UPRT: variants seen among roughly 807,000 people sequenced by gnomAD.
UPRT encodes RP11-311P8.3.
In UPRT, 5 loss-of-function variants were observed where a neutral mutation model predicts 22.6. That is an observed-to-expected ratio of 0.22 (90% CI 0.12 to 0.47). UPRT has a LOEUF of 0.47. Among genes scored for constraint, UPRT ranks in the 20% least tolerant of loss-of-function variants. The probability of loss-of-function intolerance (pLI) is 0.99; values close to 1 mark genes in which losing one functional copy is unlikely to be tolerated. For missense variants in UPRT, 181 were observed against 239.9 expected (o/e 0.75, Z 1.62); for synonymous variants, 77 against 87.7 (o/e 0.88, Z 0.68).
chrX:75,235,815 T>A (rs1460539019), intron 4 of UPRT, among the ~76,000 whole-genome samples: 1 of 111,651 alleles, frequency 9.0e-6, no homozygotes, highest in Admixed American at 9.5e-5. Flanking sequence ...ATAAGAGCTA[T>A]CTATGACAAA....
intron 1 of UPRT, among the ~76,000 whole-genome samples, chrX:75,282,004 T>C (rs746036373): frequency 9.0e-6 from 1 of 111,053 alleles, no homozygotes; most frequent in Admixed American, 9.6e-5. Context: ...AGGGTTGTAT[T>C]TTTTTCAGGA....
At chrX:75,263,626 T>C (rs2082576581) in intron 4 of UPRT, among the ~76,000 whole-genome samples, 1 of 110,366 alleles carries the variant, frequency 9.1e-6, no homozygotes, top group Admixed American at 9.8e-5. Context: ...GTATTAGTCT[T>C]GCTAGCAGTC....
intron 4 of UPRT, among the ~76,000 whole-genome samples, chrX:75,205,073 T>C (rs922715105): frequency 3.6e-5 from 4 of 110,832 alleles, no homozygotes; most frequent in Non-Finnish European, 7.6e-5. Context: ...TGAAACAAGG[T>C]ATAAGAGAAG....
intron 4 of UPRT, among the ~76,000 whole-genome samples, chrX:75,194,391 C>G (rs932924986): frequency 9.0e-6 from 1 of 111,122 alleles, no homozygotes; most frequent in Non-Finnish European, 1.9e-5. Context: ...GTGATGTCAG[C>G]CAGAGTGCTT....
exon 1 of UPRT, chrX:75,156,467 C>A: frequency 2.0e-6 from 1 of 497,951 alleles, no homozygotes; most frequent in Non-Finnish European, 3.4e-6. Flanking sequence ...TGATTGTTTT[C>A]CTTACACAAC....
chrX:75,162,106 C>CTTTTT (rs5902736), intron 2 of UPRT, among the ~76,000 whole-genome samples: 6 of 78,967 alleles, frequency 7.6e-5, no homozygotes, highest in East Asian at 3.9e-4. Context: ...TCTTTCTTTT[C>CTTTTT]TTTTTTTTTT....
chrX:75,261,353 A>G (rs1002924036), intron 4 of UPRT, among the ~76,000 whole-genome samples: 2 of 112,195 alleles, frequency 1.8e-5, no homozygotes, highest in South Asian at 3.7e-4. Context: ...AAGATCCCAA[A>G]GAAATACAAA....
chrX:75,159,119 C>G (rs918366420), intron 1 of UPRT, among the ~76,000 whole-genome samples: 1 of 111,967 alleles, frequency 8.9e-6, no homozygotes, highest in Non-Finnish European at 1.9e-5. Context: ...TGTCCCCTCC[C>G]TTCTGCTCTT....
intron 4 of UPRT, among the ~76,000 whole-genome samples, chrX:75,214,698 C>A (rs2082387971): frequency 1.8e-5 from 2 of 111,546 alleles, no homozygotes; most frequent in Non-Finnish European, 3.8e-5. Context: ...TCACTTGAGT[C>A]CAGCAGTTTG....
At chrX:75,266,047 T>A (rs1250631260) in intron 4 of UPRT, among the ~76,000 whole-genome samples, 1 of 111,352 alleles carries the variant, frequency 9.0e-6, no homozygotes, top group African/African-American at 3.3e-5. Context: ...GCCATCCCCA[T>A]CAAGCTACCA....
intron 4 of UPRT, among the ~76,000 whole-genome samples, chrX:75,248,639 G>A (rs1306986494): frequency 8.9e-6 from 1 of 111,824 alleles, no homozygotes; most frequent in African/African-American, 3.3e-5. Flanking sequence ...CACTCTGCAG[G>A]ATATTCTCCA....
intron 4 of UPRT, among the ~76,000 whole-genome samples, chrX:75,187,048 C>A (rs10126246): frequency 0.026 from 2,878 of 110,706 alleles, 107 homozygotes; most frequent in African/African-American, 0.091. Context: ...GTTATGTGTG[C>A]ATTGGATCCT....
chrX:75,256,524 C>G lies in UPRT; in HGVS notation c.-446-34500C>G, dbSNP rs1452133388. Among the ~76,000 whole-genome samples the G allele has an allele frequency of 1.5e-4, 16 of 106,188 alleles. No homozygotes were observed. In the Admixed American group the frequency reaches 1.7e-3, roughly 11 times the overall value. The allele number at this position is 106,188 out of a possible 115,157, so 92.2% of individuals were successfully genotyped here. A position where few individuals can be genotyped will look rare whatever the true frequency, so the allele number is the denominator to read the frequency against. On this transcript the variant is annotated intron_variant, in intron 4 of 13. Coordinates refer to the UPRT transcript ENST00000652605. ...GGAAATAACCAAGATCAGAGCAGAT[C>G]TAAATGAAATTGAAACAACAACAAC...
At chrX:75,234,327 A>T (rs768416714) in intron 4 of UPRT, among the ~76,000 whole-genome samples, 2 of 111,181 alleles carry the variant, frequency 1.8e-5, no homozygotes, top group East Asian at 5.7e-4. Context: ...ACTCCCACAC[A>T]TTAATAATGG....
chrX:75,219,665 G>T (rs2082404071), intron 4 of UPRT, among the ~76,000 whole-genome samples: 1 of 111,166 alleles, frequency 9.0e-6, no homozygotes, highest in Non-Finnish European at 1.9e-5. Context: ...TTCAGTGAGA[G>T]GATCTAAGAA....
At position 75,176,082 on chromosome X, in the gene UPRT, G is replaced by A. The variant is rs927396752; in HGVS notation, c.-447+8203G>A. ...TATTTTCTTAAGGCCTCTCGTAGCC[G>A]CTCGAGGAAGGCAGAAGGATTTTAT... On this transcript the variant is annotated intron_variant, in intron 4 of 13. Coordinates refer to the UPRT transcript ENST00000652605. Among the ~76,000 whole-genome samples, 9 of 111,267 alleles carry A rather than the reference G, an allele frequency of 8.1e-5. No individual in the cohort carries two copies. In the East Asian group the frequency reaches 1.1e-3, roughly 14 times the overall value.
chrX:75,267,896 G>T (rs986842974), intron 4 of UPRT, among the ~76,000 whole-genome samples: 1 of 110,735 alleles, frequency 9.0e-6, no homozygotes, highest in African/African-American at 3.3e-5. Flanking sequence ...CAGAAGACAA[G>T]AAATAACTAA....
At chrX:75,245,096 C>A in intron 4 of UPRT, among the ~76,000 whole-genome samples, 1 of 109,713 alleles carries the variant, frequency 9.1e-6, no homozygotes, top group South Asian at 3.9e-4. Context: ...AGCAAACAAC[C>A]CCATTAAAAT....
At chrX:75,299,627 TCTTC>T (rs1256186175) in intron 4 of UPRT, 104 bp from the exon 5 acceptor site, 1 of 800,619 alleles carries the variant, frequency 1.2e-6, no homozygotes, top group East Asian at 3.6e-5. Context: ...ATTATTTTCA[TCTTC>T]CTTCCTTTTT....
Sources: allele counts gnomAD v4.1 joint callset (sites outside exome capture counted in the v4.1 genomes callset), GRCh38; gene constraint gnomAD v4.1.1; transcripts MANE v1.5; gene names NCBI Gene and HGNC (gene_info 2026-07-23, HGNC 2026-07-21).